The following FRMPD1 variants were observed in gnomAD, a reference collection of about 807,000 sequenced individuals.
The protein encoded by FRMPD1 is FERM and PDZ domain-containing protein 1.
FRMPD1 carries 76 observed loss-of-function variants against 117.8 expected under a neutral mutation model. The observed-to-expected ratio is 0.65, with a 90% CI of 0.54 to 0.78. The LOEUF is 0.78. Among genes scored for constraint, FRMPD1 ranks in the 30% least tolerant of loss-of-function variants. The pLI, the probability that FRMPD1 is intolerant of heterozygous loss-of-function variation, is 0.00. For missense variants in FRMPD1, 1,786 were observed against 1,964.5 expected (o/e 0.91, Z 1.72); for synonymous variants, 783 against 770.4 (o/e 1.02, Z -0.27).
chr9:37,657,123 C>A (rs1197287265), intron 1 of FRMPD1, among the ~76,000 whole-genome samples: 2 of 152,212 alleles, frequency 1.3e-5, no homozygotes, highest in Admixed American at 6.5e-5. Context: ...GCATCATTCT[C>A]TGAGATTTTT....
intron 1 of FRMPD1, among the ~76,000 whole-genome samples, chr9:37,679,919 T>G (rs1361482423): frequency 6.6e-6 from 1 of 152,212 alleles, no homozygotes; most frequent in Non-Finnish European, 1.5e-5. Context: ...ACAGACATGG[T>G]GATGTGAGGC....
chr9:37,616,743 G>A, the FRMPD1 span, among the ~76,000 whole-genome samples: 1 of 152,008 alleles, frequency 6.6e-6, no homozygotes, highest in Non-Finnish European at 1.5e-5. Context: ...ACTGTAGATG[G>A]GTCTAGTCTC....
At chr9:37,733,688 A>G (rs1034446265) in intron 11 of FRMPD1, 42 bp from the exon 12 acceptor site, 4 of 1,583,976 alleles carry the variant, frequency 2.5e-6, no homozygotes, top group Non-Finnish European at 3.5e-6. Context: ...TTTTAGACCA[A>G]TGAATAACTC....
In FRMPD1 at chr9:37,745,028, T is replaced by C. The variant is rs377128806; in HGVS notation, c.2996T>C (p.Ile999Thr). 3.1e-6 allele frequency: 5 copies of C among 1,614,022 alleles called. No individual in the cohort carries two copies. Among genetic ancestry groups the C allele is most frequent in the African/African-American group, 2.7e-5 (2 of 74,912 alleles). The change falls in exon 16 of 16, where the codon ATT (isoleucine) becomes ACT (threonine). Residue 999 changes from isoleucine (I) to threonine (T), a missense_variant. Transcript: ENST00000377765. ...CCTCTATCTCAAGACCTGGATGGGA[T>C]TGCCCCCAAAGAACCAACCATAGAG... ...ILPLSQDLDG[I>T]APKEPTIEHG... is the part of the protein sequence containing the mutation.
chr9:37,686,857 T>C (rs1351975558), intron 1 of FRMPD1, among the ~76,000 whole-genome samples: 2 of 152,208 alleles, frequency 1.3e-5, no homozygotes. Flanking sequence ...TATAAGAATG[T>C]AGAGGTCAGA....
At chr9:37,670,663 G>A (rs1303657878) in intron 1 of FRMPD1, among the ~76,000 whole-genome samples, 1 of 152,228 alleles carries the variant, frequency 6.6e-6, no homozygotes, top group Non-Finnish European at 1.5e-5. Flanking sequence ...TCTTTATCCT[G>A]AAGGCAATGG....
At chr9:37,624,894 A>G in the FRMPD1 span, among the ~76,000 whole-genome samples, 45 of 152,326 alleles carry the variant, frequency 3.0e-4, 1 homozygote, top group South Asian at 9.1e-3. Flanking sequence ...CCTTTCTCTT[A>G]TAATCCAGGC....
chr9:37,682,829 A>G lies in FRMPD1; in HGVS notation c.-4-9809A>G, dbSNP rs190453589. Among the ~76,000 whole-genome samples, 501 of 152,352 alleles carry G rather than the reference A, an allele frequency of 3.3e-3. 2 individuals are homozygous for G. Among genetic ancestry groups the G allele is most frequent in the Non-Finnish European group, 6.1e-3 (414 of 68,024 alleles). ...CTTACTGTCAAGGAAAGGAGGACAGAAGGGTGAAGCTGGGCACCAGAAATA... is the reference window on the plus strand; with the variant it reads ...CTTACTGTCAAGGAAAGGAGGACAGGAGGGTGAAGCTGGGCACCAGAAATA... On this transcript the variant is annotated intron_variant, in intron 1 of 15. Coordinates refer to ENST00000377765, the MANE Select transcript of FRMPD1 (RefSeq NM_014907.3).
chr9:37,652,754 T>A (rs553386897), intron 1 of FRMPD1, among the ~76,000 whole-genome samples: 2 of 152,314 alleles, frequency 1.3e-5, no homozygotes, highest in South Asian at 4.1e-4. Context: ...TCACTACTCA[T>A]TCGAGAGGAC....
the FRMPD1 span, among the ~76,000 whole-genome samples, chr9:37,614,785 A>G: frequency 6.6e-6 from 1 of 152,248 alleles, no homozygotes; most frequent in Admixed American, 6.5e-5. Flanking sequence ...CCAAATGAGA[A>G]GTCATATTAT....
Position 37,744,562 on chromosome 9 carries a change from A to G in FRMPD1, c.2530A>G (p.Thr844Ala), listed in dbSNP as rs1268196416. The stretch of plus-strand genomic sequence containing the variant: ...GAGGAAAAGAAGGTCTTTCCTACAG[A>G]CCGACTACACCTCTCAGGTCTCATT... Reference protein sequence around the residue: ...TLRKRRSFLQTDYTSQVSFPL... With the variant: ...TLRKRRSFLQADYTSQVSFPL... The change falls in exon 16 of 16, where the codon ACC becomes GCC. Residue 844 changes from threonine to alanine, a missense_variant. Coordinates refer to ENST00000377765, the MANE Select transcript of FRMPD1 (RefSeq NM_014907.3). 6.2e-7 allele frequency: 1 copy of G among 1,614,148 alleles called. No homozygotes were observed. The highest frequency in any genetic ancestry group is 1.7e-5 in the Admixed American group (1 of 60,014).
At chr9:37,609,670 T>G in the FRMPD1 span, among the ~76,000 whole-genome samples, 4 of 152,226 alleles carry the variant, frequency 2.6e-5, no homozygotes, top group Non-Finnish European at 5.9e-5. Flanking sequence ...GTAGCTAAAG[T>G]GCTCTTGTTA....
At chr9:37,741,148 GC>G (rs1824392455) in intron 15 of FRMPD1, among the ~76,000 whole-genome samples, 2 of 152,112 alleles carry the variant, frequency 1.3e-5, no homozygotes, top group Admixed American at 6.5e-5. Context: ...AGAAGAGGGG[GC>G]AAATGGGCTG....
the FRMPD1 span, among the ~76,000 whole-genome samples, chr9:37,607,088 G>A: frequency 6.6e-6 from 1 of 152,186 alleles, no homozygotes; most frequent in Admixed American, 6.5e-5. Context: ...GCCGGGGCGG[G>A]TGGATCACCT....
intron 1 of FRMPD1, chr9:37,669,646 T>C (rs1387953542): frequency 2.6e-5 from 4 of 152,194 alleles, no homozygotes; most frequent in Non-Finnish European, 5.9e-5. Flanking sequence ...CTTCTCTGCA[T>C]TACTACTATA....
At chr9:37,640,693 A>G in the FRMPD1 span, among the ~76,000 whole-genome samples, 1 of 152,220 alleles carries the variant, frequency 6.6e-6, no homozygotes, top group African/African-American at 2.4e-5. Flanking sequence ...TAGTAGACTC[A>G]TAAAATCATC....
Position 37,745,195 on chromosome 9 carries a change from G to T in FRMPD1, c.3163G>T (p.Gly1055Ter). 3 of 1,613,876 alleles carry T rather than the reference G, an allele frequency of 1.9e-6. No homozygotes were observed. The highest frequency in any genetic ancestry group is 2.5e-6 in the Non-Finnish European group (3 of 1,179,892). The part of the protein sequence containing the change: ...QLEPHVQLEM[G>*]LESFCTNHIQ... ...GGAGCCCCATGTCCAGTTGGAAATG[G>T]GATTGGAATCTTTTTGTACAAATCA... The change falls in exon 16 of 16, where the codon GGA becomes TGA. Residue 1055 changes from glycine (G) to a stop codon, truncating the protein, a stop_gained. Coordinates refer to ENST00000377765, the MANE Select transcript of FRMPD1 (RefSeq NM_014907.3). LOFTEE classifies it low-confidence loss of function (END_TRUNC).
chr9:37,637,961 A>ATGCT, the FRMPD1 span, among the ~76,000 whole-genome samples: 1,195 of 76,150 alleles, frequency 0.016, 189 homozygotes, highest in East Asian at 0.043. Context: ...AAAATGGTGT[A>ATGCT]TGCTTTCTTT....
chr9:37,695,284 A>C (rs1042415278), intron 2 of FRMPD1, among the ~76,000 whole-genome samples: 1 of 152,172 alleles, frequency 6.6e-6, no homozygotes, highest in African/African-American at 2.4e-5. Flanking sequence ...GCAGTATGTG[A>C]GAGTTTCAGT....
Sources: allele counts gnomAD v4.1 joint callset (sites outside exome capture counted in the v4.1 genomes callset), GRCh38; gene constraint gnomAD v4.1.1; transcripts MANE v1.5; gene names NCBI Gene and HGNC (gene_info 2026-07-23, HGNC 2026-07-21).